GNAO1: variants seen among roughly 807,000 people sequenced by gnomAD.
GNAO1 encodes G protein subunit alpha o1, also known as guanine nucleotide-binding protein G(o) subunit alpha.
For synonymous variants in GNAO1, 164 were observed against 180.7 expected, an observed-to-expected ratio of 0.91 and a Z score of 0.74; for missense variants, 166 against 478.7, an observed-to-expected ratio of 0.35 and a Z score of 6.10.
At chr16:56,197,376 C>T (rs999091025) in intron 2 of GNAO1, among the ~76,000 whole-genome samples, 3 of 152,198 alleles carry the variant, frequency 2.0e-5, no homozygotes, top group East Asian at 1.9e-4. Flanking sequence ...AGCAAGAGTG[C>T]GAACGGAATG....
At chr16:56,215,048 A>C (rs546466801) in intron 2 of GNAO1, among the ~76,000 whole-genome samples, 49 of 152,304 alleles carry the variant, frequency 3.2e-4, no homozygotes, top group Non-Finnish European at 4.0e-4. Flanking sequence ...CCCCTACTAC[A>C]GAACGCCTTC....
At chr16:56,349,726 C>T (rs1184022842) in intron 6 of GNAO1, among the ~76,000 whole-genome samples, 2 of 152,130 alleles carry the variant, frequency 1.3e-5, no homozygotes, top group Non-Finnish European at 2.9e-5. Flanking sequence ...GCCAGCTGTC[C>T]AGGTGCCCCT....
At chr16:56,193,758 G>A (rs1479259663) in intron 2 of GNAO1, 8 of 272,326 alleles carry the variant, frequency 2.9e-5, no homozygotes, top group South Asian at 2.3e-4. Flanking sequence ...AGGGGTGTGC[G>A]CCCTCCGGGC....
At chr16:56,337,449 T>C (rs1361979102) in intron 6 of GNAO1, among the ~76,000 whole-genome samples, 1 of 152,154 alleles carries the variant, frequency 6.6e-6, no homozygotes, top group African/African-American at 2.4e-5. Context: ...TCTGGGCTCC[T>C]TTGCCAAATG....
chr16:56,255,045 T>G (rs1420230065), intron 2 of GNAO1, among the ~76,000 whole-genome samples: 1 of 152,214 alleles, frequency 6.6e-6, no homozygotes, highest in African/African-American at 2.4e-5. Context: ...TGGAACACTT[T>G]TCCTCCCATC....
At chr16:56,257,153 A>G (rs1471626774) in intron 2 of GNAO1, among the ~76,000 whole-genome samples, 1 of 152,060 alleles carries the variant, frequency 6.6e-6, no homozygotes, top group African/African-American at 2.4e-5. Context: ...TGTGGTGGGG[A>G]AGGCTGAAAG....
chr16:56,353,712 G>A (rs1333589955), intron 7 of GNAO1, among the ~76,000 whole-genome samples: 1 of 152,224 alleles, frequency 6.6e-6, no homozygotes, highest in African/African-American at 2.4e-5. Context: ...CTCCTGGGCA[G>A]GGTCCACACG....
intron 2 of GNAO1, among the ~76,000 whole-genome samples, chr16:56,220,734 GTTT>G (rs201817848): frequency 2.0e-5 from 3 of 151,502 alleles, no homozygotes; most frequent in African/African-American, 4.9e-5. Flanking sequence ...ATTAGCGTGG[GTTT>G]TTTGTTGTTG....
At chr16:56,347,982 G>A in intron 6 of GNAO1, 1 of 980,278 alleles carries the variant, frequency 1.0e-6, no homozygotes, top group Non-Finnish European at 1.2e-6. Context: ...GGCGAGGTGG[G>A]CTCGGGCGTC....
At chr16:56,344,801 GAT>G (rs1364596196) in intron 6 of GNAO1, 3 of 985,340 alleles carry the variant, frequency 3.0e-6, no homozygotes, top group African/African-American at 1.7e-5. Flanking sequence ...GGTGTGAATA[GAT>G]ATGTTTTTCC....
In GNAO1 at chr16:56,351,414, G is replaced by A. The variant is rs2037920339; in HGVS notation, c.754G>A (p.Asp252Asn). 6.2e-7 allele frequency: 1 copy of A among 1,612,808 alleles called. No homozygotes were observed. The highest frequency in any genetic ancestry group is 8.5e-7 in the Non-Finnish European group (1 of 1,178,898). ...NRMHESLMLFDSICNNKFFID... is the reference protein window; with the variant it reads ...NRMHESLMLFNSICNNKFFID... ...CATGCACGAGTCTCTCATGCTCTTCGACTCCATCTGTAACAACAAGTTCTT... is the reference window on the plus strand; with the variant it reads ...CATGCACGAGTCTCTCATGCTCTTCAACTCCATCTGTAACAACAAGTTCTT... Residue 252 changes from aspartate to asparagine, a missense_variant, in exon 7 of 9, where the codon GAC becomes AAC. Physicochemically the swap from Asp to Asn is conservative, Grantham distance 23. Transcript: ENST00000262493. This position sits in a 1 kb window ranked among gnomAD's most constrained non-coding sequence, Gnocchi z 6.1.
intron 2 of GNAO1, among the ~76,000 whole-genome samples, chr16:56,218,596 G>T (rs1281781880): frequency 1.3e-5 from 2 of 152,110 alleles, no homozygotes; most frequent in Non-Finnish European, 2.9e-5. Flanking sequence ...ACAGCAACCC[G>T]CTGCCCAGTA....
At chr16:56,347,998 C>A in intron 6 of GNAO1, 1 of 980,604 alleles carries the variant, frequency 1.0e-6, no homozygotes, top group Non-Finnish European at 1.2e-6. Flanking sequence ...GCGTCCCAGG[C>A]CCTCCTTAGA....
intron 6 of GNAO1, among the ~76,000 whole-genome samples, chr16:56,341,875 G>A (rs1365416189): frequency 6.6e-6 from 1 of 152,212 alleles, no homozygotes; most frequent in Non-Finnish European, 1.5e-5. Context: ...GGAGAAGTGG[G>A]GCACCCTCAG....
At chr16:56,251,823 C>G (rs531943367) in intron 2 of GNAO1, among the ~76,000 whole-genome samples, 4 of 152,284 alleles carry the variant, frequency 2.6e-5, no homozygotes, top group Admixed American at 1.3e-4. Flanking sequence ...ACTCTGCACT[C>G]CAGCACCAGT....
chr16:56,307,549 C>T (rs2037410154), intron 3 of GNAO1: 1 of 152,196 alleles, frequency 6.6e-6, no homozygotes, highest in Admixed American at 6.5e-5. Context: ...TCCCCAGACT[C>T]TGGGTTCTCT....
chr16:56,316,447 G>A (rs2037510508), intron 3 of GNAO1, among the ~76,000 whole-genome samples: 1 of 152,198 alleles, frequency 6.6e-6, no homozygotes, highest in Non-Finnish European at 1.5e-5. Flanking sequence ...ACAGGTGGCT[G>A]TCCTAAGTTT....
chr16:56,243,347 G>A (rs1166297160), intron 2 of GNAO1, among the ~76,000 whole-genome samples: 1 of 152,152 alleles, frequency 6.6e-6, no homozygotes, highest in East Asian at 1.9e-4. Context: ...GTTGGGGACT[G>A]CTGCTTTAGA....
At chr16:56,334,941 C>G in intron 5 of GNAO1, 84 bp downstream of exon 5, 1 of 1,440,946 alleles carries the variant, frequency 6.9e-7, no homozygotes, top group East Asian at 2.3e-5. Flanking sequence ...TTTACAGCGC[C>G]CAAACATCAT....
Sources: allele counts gnomAD v4.1 joint callset (sites outside exome capture counted in the v4.1 genomes callset), GRCh38; gene constraint gnomAD v4.1.1; non-coding constraint Gnocchi (gnomAD v3.1); transcripts MANE v1.5; gene names NCBI Gene and HGNC (gene_info 2026-07-23, HGNC 2026-07-21).